EFHD1: variants seen among roughly 807,000 people sequenced by gnomAD.
EFHD1 encodes the protein EF-hand domain-containing protein D1.
Under a neutral mutation model 17.2 loss-of-function variants are expected in EFHD1, and 10 were observed. The ratio of observed to expected loss-of-function variants is 0.58; its 90% CI spans 0.36 to 0.99. The LOEUF is 0.99. EFHD1 is among the 50% of genes least tolerant of loss of function. EFHD1 has a pLI of 0.01. For synonymous variants in EFHD1, 153 were observed against 142.0 expected (o/e 1.08, Z -0.55); for missense variants, 310 against 327.5 (o/e 0.95, Z 0.41).
At chr2:232,668,650 T>C (rs761381795) in intron 2 of EFHD1, among the ~76,000 whole-genome samples, 1 of 152,138 alleles carries the variant, frequency 6.6e-6, no homozygotes, top group Non-Finnish European at 1.5e-5. Flanking sequence ...ATTTATTTAT[T>C]TGAGACACAG....
chr2:232,675,252 AAAG>A (rs1021529773), intron 3 of EFHD1, among the ~76,000 whole-genome samples: 1 of 59,766 alleles, frequency 1.7e-5, no homozygotes, highest in African/African-American at 4.3e-5. Context: ...AAAAGAAAGA[AAAG>A]AAAAGAAAAG....
intron 1 of EFHD1, among the ~76,000 whole-genome samples, chr2:232,617,859 G>C (rs1434842371): frequency 6.7e-6 from 1 of 149,824 alleles, no homozygotes; most frequent in Non-Finnish European, 1.5e-5. Flanking sequence ...TGAGGCAGGA[G>C]AATCGCTTGA....
chr2:232,633,633 G>A lies in EFHD1; in HGVS notation c.-72G>A. ...TGTTGTAGAGCCTCGAGCCTGCGAG[G>A]AGCGCGCCGCCCGCCAGCTCCCTGC... is the stretch of plus-strand genomic sequence containing the variant. On this transcript the variant is annotated 5_prime_UTR_variant, in exon 1 of 4. Coordinates refer to ENST00000264059, the MANE Select transcript of EFHD1 (RefSeq NM_025202.4). 10 of 1,356,804 alleles carry A rather than the reference G, an allele frequency of 7.4e-6. No homozygotes were observed. The highest frequency in any genetic ancestry group is 9.4e-6 in the Non-Finnish European group (10 of 1,064,076). 84.0% of individuals were successfully genotyped at this position (1,356,804 alleles called of 1,614,324 possible).
At chr2:232,642,809 A>C (rs1479462722) in intron 1 of EFHD1, among the ~76,000 whole-genome samples, 1 of 151,986 alleles carries the variant, frequency 6.6e-6, no homozygotes, top group Non-Finnish European at 1.5e-5. Context: ...GCTGTTCCCG[A>C]GGGTCACCTC....
chr2:232,642,307 T>G (rs1185100694), intron 1 of EFHD1, among the ~76,000 whole-genome samples: 1 of 136,338 alleles, frequency 7.3e-6, no homozygotes, highest in Non-Finnish European at 1.5e-5. Flanking sequence ...CACTTGAACC[T>G]GCAAAGCAGT....
chr2:232,612,436 A>T (rs1347127563), intron 1 of EFHD1, among the ~76,000 whole-genome samples: 2 of 152,228 alleles, frequency 1.3e-5, no homozygotes, highest in Non-Finnish European at 2.9e-5. Context: ...ATAATAAGAC[A>T]AACATCTCAA....
At chr2:232,623,302 TC>T (rs1234538341) in intron 1 of EFHD1, among the ~76,000 whole-genome samples, 1 of 152,136 alleles carries the variant, frequency 6.6e-6, no homozygotes, top group Non-Finnish European at 1.5e-5. Context: ...CACTTCAGTC[TC>T]CCAAAGTGCT....
intron 1 of EFHD1, among the ~76,000 whole-genome samples, chr2:232,657,899 C>CTTTTTTTTTTTTTTTTT (rs1194396166): frequency 4.0e-5 from 4 of 100,660 alleles, no homozygotes; most frequent in Non-Finnish European, 8.0e-5. Context: ...TCTTTCTTTT[C>CTTTTTTTTTTTTTTTTT]TTTTTTTTTT....
chr2:232,615,312 A>AGTTTGT (rs1553594510), intron 1 of EFHD1, among the ~76,000 whole-genome samples: 2 of 136,476 alleles, frequency 1.5e-5, no homozygotes, highest in Non-Finnish European at 3.2e-5. Context: ...TGTCAACTAT[A>AGTTTGT]GTGTGTGTGT....
intron 1 of EFHD1, among the ~76,000 whole-genome samples, chr2:232,617,947 TAAA>T (rs144804383): frequency 6.9e-6 from 1 of 145,844 alleles, no homozygotes. Context: ...AGACTCAGTC[TAAA>T]AAAAAAAAAG....
intron 3 of EFHD1, among the ~76,000 whole-genome samples, chr2:232,675,230 A>G (rs537393056): frequency 7.0e-6 from 1 of 143,068 alleles, no homozygotes; most frequent in Non-Finnish European, 1.5e-5. Context: ...AAGGAGAAAG[A>G]AAGAGAGAAA....
intron 1 of EFHD1, among the ~76,000 whole-genome samples, chr2:232,637,194 G>A (rs925973091): frequency 2.0e-5 from 3 of 152,156 alleles, no homozygotes; most frequent in Non-Finnish European, 4.4e-5. Flanking sequence ...AGGCGCCAGC[G>A]AAGACTCCTT....
At chr2:232,633,378 T>C (rs986315175), upstream of EFHD1, 184 of 989,242 alleles carry the variant, frequency 1.9e-4, no homozygotes, top group Admixed American at 1.5e-3. Context: ...CGAGGGTCCC[T>C]GCCTGGTCCC....
chr2:232,614,245 A>G (rs1222216612), intron 1 of EFHD1, among the ~76,000 whole-genome samples: 1 of 152,170 alleles, frequency 6.6e-6, no homozygotes, highest in Non-Finnish European at 1.5e-5. Flanking sequence ...CACAGGTTTG[A>G]ACTGCATGCC....
At chr2:232,635,901 A>G (rs968824882) in intron 1 of EFHD1, among the ~76,000 whole-genome samples, 1 of 151,858 alleles carries the variant, frequency 6.6e-6, no homozygotes, top group Non-Finnish European at 1.5e-5. Flanking sequence ...AGTACTTGGT[A>G]TTTCTTTCTA....
At chr2:232,632,958 C>T (rs1694230323), upstream of EFHD1, among the ~76,000 whole-genome samples, 1 of 152,268 alleles carries the variant, frequency 6.6e-6, no homozygotes, top group Admixed American at 6.5e-5. Context: ...CAAAAAAACC[C>T]GAGTCCCTGA....
intron 2 of EFHD1, among the ~76,000 whole-genome samples, chr2:232,664,514 G>T (rs1334014743): frequency 2.0e-5 from 3 of 151,572 alleles, no homozygotes; most frequent in African/African-American, 4.9e-5. Context: ...GCCCAGGCTG[G>T]TCTCAAACTC....
At chr2:232,643,018 T>C (rs1371867077) in intron 1 of EFHD1, among the ~76,000 whole-genome samples, 1 of 152,198 alleles carries the variant, frequency 6.6e-6, no homozygotes, top group Admixed American at 6.5e-5. Flanking sequence ...TGGTTGCTGC[T>C]GTCATCCAGG....
intron 1 of EFHD1, among the ~76,000 whole-genome samples, chr2:232,625,827 C>A (rs62191634): frequency 6.6e-6 from 1 of 152,114 alleles, no homozygotes; most frequent in Non-Finnish European, 1.5e-5. Context: ...TGGCATCAAA[C>A]TATACCAGGA....
Sources: gnomAD v4.1 joint callset for allele counts (sites outside exome capture counted in the v4.1 genomes callset) on GRCh38, gnomAD v4.1.1 for gene constraint, MANE v1.5 for transcripts, NCBI Gene and HGNC (gene_info 2026-07-23, HGNC 2026-07-21) for gene names.